The following CCAR1 variants were observed in gnomAD, a reference collection of about 807,000 sequenced individuals.
CCAR1 encodes cell division cycle and apoptosis regulator protein 1.
Under a neutral mutation model 163.8 loss-of-function variants are expected in CCAR1, and 78 were observed. That is an observed-to-expected ratio of 0.48 (90% CI 0.40 to 0.57). CCAR1 has a LOEUF of 0.57. CCAR1 is among the 20% of genes least tolerant of loss of function. The probability of loss-of-function intolerance (pLI) is 0.00; values close to 1 mark genes in which losing one functional copy is unlikely to be tolerated. For missense variants in CCAR1, 1,019 were observed against 1,365.2 expected (o/e 0.75, Z 4.00); for synonymous variants, 443 against 460.7 (o/e 0.96, Z 0.49).
intron 2 of CCAR1, 28 bp downstream of exon 2, chr10:68,722,605 ATTGT>A (rs1322373848): frequency 1.3e-6 from 2 of 1,542,940 alleles, no homozygotes; most frequent in Middle Eastern, 1.7e-4. Flanking sequence ...ATGTACTGTA[ATTGT>A]TTGTGGGGGA....
At chr10:68,784,535 G>T (rs1023988531) in intron 19 of CCAR1, among the ~76,000 whole-genome samples, 3 of 152,050 alleles carry the variant, frequency 2.0e-5, no homozygotes, top group Admixed American at 2.0e-4. Context: ...TTTAAAAGAG[G>T]TTATTCTGTG....
At chr10:68,743,245 G>A (rs1254380996) in intron 6 of CCAR1, among the ~76,000 whole-genome samples, 1 of 149,264 alleles carries the variant, frequency 6.7e-6, no homozygotes, top group Non-Finnish European at 1.5e-5. Context: ...AACTCAGGCT[G>A]GAGTGCAGTG....
intron 2 of CCAR1, among the ~76,000 whole-genome samples, chr10:68,728,190 T>A (rs1472374248): frequency 6.6e-6 from 1 of 152,202 alleles, no homozygotes; most frequent in Non-Finnish European, 1.5e-5. Context: ...TGAAAAATAT[T>A]TACATGTGTA....
At chr10:68,726,994 A>C (rs1475584930) in intron 2 of CCAR1, among the ~76,000 whole-genome samples, 1 of 149,162 alleles carries the variant, frequency 6.7e-6, no homozygotes, top group African/African-American at 2.5e-5. Context: ...ACTTCCTCTC[A>C]AAAAAAAATA....
intron 6 of CCAR1, among the ~76,000 whole-genome samples, chr10:68,745,978 A>T (rs183630497): frequency 6.6e-6 from 1 of 151,560 alleles, no homozygotes; most frequent in Non-Finnish European, 1.5e-5. Context: ...TTTTTTATTT[A>T]TTTATTTATT....
intron 24 of CCAR1, among the ~76,000 whole-genome samples, chr10:68,790,864 CAAA>C (rs758116859): frequency 3.6e-5 from 4 of 111,264 alleles, no homozygotes; most frequent in Non-Finnish European, 3.8e-5. Context: ...GACTCTGTCT[CAAA>C]AAAAAAAAAA....
chr10:68,742,454 C>G lies in CCAR1; in HGVS notation c.403C>G (p.Pro135Ala), dbSNP rs758462824. ...TAQITVSYPT[P>A]RSSQQQTQPQ... ...ACAAATAACTGTATCATATCCAACA[C>G]CAAGGTCCAGTCAACAGCAAACCCA... Residue 135 changes from proline to alanine, a missense_variant, in exon 6 of 25, where the codon CCA becomes GCA. Physicochemically the swap from Pro to Ala is conservative, Grantham distance 27. This residue lies in a region of CCAR1 where 644 missense variants were observed against 904.4 expected (regional missense o/e 0.71). Transcript: ENST00000265872. The G allele has an allele frequency of 4.3e-6, 7 of 1,614,176 alleles. No individual in the cohort carries two copies. The Admixed American group carries it at 1.2e-4, about 27-fold the overall frequency.
At position 68,789,857 on chromosome 10, in the gene CCAR1, A is replaced by G. The variant is rs760092508; in HGVS notation, c.3335A>G (p.Asn1112Ser). The change falls in exon 24 of 25, where the codon AAT becomes AGT. Residue 1112 changes from asparagine to serine, a missense_variant. Asn to Ser is a conservative substitution (Grantham distance 46). Coordinates refer to ENST00000265872, the MANE Select transcript of CCAR1 (RefSeq NM_018237.4). ...AATTTACAATTTGAAAACCAAATGAATAAGACAATCAGAAACTTATCTACG... is the reference window on the plus strand; with the variant it reads ...AATTTACAATTTGAAAACCAAATGAGTAAGACAATCAGAAACTTATCTACG... ...NMNLQFENQM[N>S]KTIRNLSTVM... The G allele has an allele frequency of 1.2e-6, 2 of 1,606,300 alleles. No individual in the cohort carries two copies. Among genetic ancestry groups the G allele is most frequent in the South Asian group, 2.3e-5 (2 of 88,326 alleles).
At chr10:68,763,182 C>T (rs963996491) in intron 16 of CCAR1, among the ~76,000 whole-genome samples, 2 of 152,072 alleles carry the variant, frequency 1.3e-5, no homozygotes, top group African/African-American at 2.4e-5. Flanking sequence ...GACGGAGTCT[C>T]GCCCTGTTGC....
chr10:68,764,967 A>G (rs1355233720), intron 16 of CCAR1, among the ~76,000 whole-genome samples: 1 of 152,128 alleles, frequency 6.6e-6, no homozygotes, highest in Non-Finnish European at 1.5e-5. Flanking sequence ...TACTTGAATC[A>G]TTTTTGTGTG....
At chr10:68,742,638 G>T in intron 6 of CCAR1, 69 bp downstream of exon 6, 1 of 1,208,554 alleles carries the variant, frequency 8.3e-7, no homozygotes, top group South Asian at 1.3e-5. Flanking sequence ...AGTTGTGGCA[G>T]AAATTGTATG....
chr10:68,771,431 A>G lies in CCAR1; in HGVS notation c.2524A>G (p.Arg842Gly), dbSNP rs1406086621. The G allele has an allele frequency of 2.5e-6, 4 of 1,582,602 alleles. No individual in the cohort carries two copies. The highest frequency in any genetic ancestry group is 1.9e-5 in the Admixed American group (1 of 52,816). ...SGDDKDKKEDRDERKKEDKRK... is the reference protein window; with the variant it reads ...SGDDKDKKEDGDERKKEDKRK... Reference sequence around the variant, plus strand: ...CGATGATAAAGATAAAAAAGAAGATAGAGATGAAAGGAAGGTCTGTAATAA... The same window carrying G: ...CGATGATAAAGATAAAAAAGAAGATGGAGATGAAAGGAAGGTCTGTAATAA... Residue 842 changes from arginine (R) to glycine (G), a missense_variant, in exon 18 of 25, where the codon AGA (arginine) becomes GGA (glycine). By Grantham distance (125) the Arg-to-Gly change is moderately radical. Coordinates refer to ENST00000265872, the MANE Select transcript of CCAR1 (RefSeq NM_018237.4).
At position 68,791,408 on chromosome 10, in the gene CCAR1, ATG is replaced by A. The variant is rs1029049303; in HGVS notation, c.*145_*146del. Reference sequence around the variant, plus strand: ...TCAAATGATGTATAAAGTTTTATGAATGTGAGTTTCTGCTTTTGAAAATTGCT... The same window carrying A: ...TCAAATGATGTATAAAGTTTTATGAATGAGTTTCTGCTTTTGAAAATTGCT... On this transcript the variant is annotated 3_prime_UTR_variant, in exon 25 of 25. Transcript: ENST00000265872. 6.1e-6 allele frequency: 3 copies of A among 492,590 alleles called. No homozygotes were observed. Among genetic ancestry groups the A allele is most frequent in the African/African-American group, 6.1e-5 (3 of 49,524 alleles). The allele number at this position is 492,590 out of a possible 1,614,324, so 30.5% of individuals were successfully genotyped here.
chr10:68,728,816 G>A (rs1034289847), intron 2 of CCAR1, among the ~76,000 whole-genome samples: 36 of 152,062 alleles, frequency 2.4e-4, no homozygotes, highest in Admixed American at 1.3e-4. Context: ...TAAGCTGGGT[G>A]TGGTGGTGGG....
chr10:68,753,603 G>C (rs983971655), intron 10 of CCAR1, among the ~76,000 whole-genome samples: 4 of 151,990 alleles, frequency 2.6e-5, no homozygotes, highest in Non-Finnish European at 5.9e-5. Context: ...ATTTCAAAGC[G>C]TCTTCTGTAA....
intron 17 of CCAR1, among the ~76,000 whole-genome samples, chr10:68,769,185 A>G (rs1019916918): frequency 3.3e-5 from 5 of 152,206 alleles, no homozygotes; most frequent in African/African-American, 1.2e-4. Flanking sequence ...CATGTTGACC[A>G]GGCTGGTCTC....
intron 17 of CCAR1, among the ~76,000 whole-genome samples, chr10:68,769,897 C>T (rs1203239458): frequency 8.1e-5 from 12 of 148,690 alleles, no homozygotes; most frequent in East Asian, 3.9e-4. Flanking sequence ...GCCGAAATTC[C>T]GCCACTGCAC....
At chr10:68,752,935 GATAGATTCTGTCTGTAGATAGA>G (rs1419287442) in intron 10 of CCAR1, among the ~76,000 whole-genome samples, 2 of 140,096 alleles carry the variant, frequency 1.4e-5, no homozygotes, top group Non-Finnish European at 3.1e-5. Flanking sequence ...TAGATAGATA[GATAGATTCTGTCTGTAGATAGA>G]ATAGATAGAT....
Position 68,786,811 on chromosome 10 carries a change from G to A in CCAR1, c.2880+119G>A, listed in dbSNP as rs1050530001. The A allele has an allele frequency of 3.4e-5, 28 of 828,006 alleles. 1 individual carries two copies. The highest frequency in any genetic ancestry group is 3.7e-4 in the Middle Eastern group (1 of 2,726). The allele number at this position is 828,006 out of a possible 1,614,324, so 51.3% of individuals were successfully genotyped here. On this transcript the variant is annotated intron_variant, in intron 21 of 24. Coordinates refer to ENST00000265872, the MANE Select transcript of CCAR1 (RefSeq NM_018237.4). ...TATTAAAGCAATATAAGGGCCAGGC[G>A]TGGTGGCTCACACCTATAATCCCAG... is the stretch of plus-strand genomic sequence containing the variant.
Sources: gnomAD v4.1 joint callset for allele counts (sites outside exome capture counted in the v4.1 genomes callset) on GRCh38, gnomAD v4.1.1 for gene constraint, gnomAD v4.1.1 regional missense constraint, MANE v1.5 for transcripts, NCBI Gene and HGNC (gene_info 2026-07-23, HGNC 2026-07-21) for gene names.